THADA: variants seen among roughly 807,000 people sequenced by gnomAD.
THADA encodes THADA armadillo repeat containing, also known as tRNA (32-2'-O)-methyltransferase regulator THADA.
THADA carries 213 observed loss-of-function variants against 219.8 expected under a neutral mutation model. The ratio of observed to expected loss-of-function variants is 0.97; its 90% confidence interval spans 0.87 to 1.09. THADA has a LOEUF of 1.09. THADA is among the 50% of genes least tolerant of loss of function. THADA has a pLI of 0.00. For synonymous variants in THADA, 1,018 were observed against 828.9 expected (o/e 1.23, Z -3.92); for missense variants, 2,956 against 2,311.3 (o/e 1.28, Z -5.72).
At chr2:43,354,839 T>A (rs139791511) in intron 29 of THADA, among the ~76,000 whole-genome samples, 1 of 152,270 alleles carries the variant, frequency 6.6e-6, no homozygotes, top group African/African-American at 2.4e-5. Context: ...AGGGAGGTAA[T>A]TGAATCATGG....
At chr2:43,257,417 A>G (rs6749927) in intron 36 of THADA, among the ~76,000 whole-genome samples, 74,294 of 152,078 alleles carry the variant, frequency 0.49, 21,235 homozygotes, top group African/African-American at 0.81. Context: ...AGGAGAGAGG[A>G]GGCTTCTCCC....
intron 9 of THADA, 128 bp from the exon 10 acceptor site, chr2:43,577,370 A>G: frequency 1.4e-6 from 1 of 707,888 alleles, no homozygotes; most frequent in Non-Finnish European, 2.3e-6. Flanking sequence ...CCAAAGATAA[A>G]ATACCCACAA....
At position 43,414,539 on chromosome 2, in the gene THADA, A is replaced by G. The variant is rs1473659908; in HGVS notation, c.4058+13561T>C. Among the ~76,000 whole-genome samples the G allele has an allele frequency of 2.0e-5, 3 of 152,226 alleles. No individual in the cohort carries two copies. The East Asian group carries it at 5.8e-4, about 29-fold the overall frequency. On this transcript the variant is annotated intron_variant, in intron 28 of 37. Transcript: ENST00000405975. ...TTGTCTATTTCCTTCCAGATGAAAGATAGAAACTTTGATCTTCTCTTCCTT... is the reference window on the plus strand; with the variant it reads ...TTGTCTATTTCCTTCCAGATGAAAGGTAGAAACTTTGATCTTCTCTTCCTT...
chr2:43,484,433 A>AC (rs1392743232), intron 26 of THADA: 2 of 169,194 alleles, frequency 1.2e-5, no homozygotes, highest in Admixed American at 1.3e-4. Flanking sequence ...CAAGAGAAAG[A>AC]CCACTGGGCC....
In THADA at chr2:43,422,428, G is replaced by C. The variant is rs77953857; in HGVS notation, c.4058+5672C>G. Reference sequence around the variant, plus strand: ...GTTCTTCAGTGACCTTCCTAAAATGGGGAGCCCAGAACAGAATAATAAGGA... The same window carrying C: ...GTTCTTCAGTGACCTTCCTAAAATGCGGAGCCCAGAACAGAATAATAAGGA... On this transcript the variant is annotated intron_variant, in intron 28 of 37. Coordinates refer to ENST00000405975, the MANE Select transcript of THADA (RefSeq NM_022065.5). 7.5e-3 allele frequency among the ~76,000 whole-genome samples: 1,137 copies of C among 152,166 alleles called. 5 individuals carry two copies. The highest frequency in any genetic ancestry group is 0.014 in the Non-Finnish European group (920 of 67,992).
At chr2:43,441,226 G>A (rs144086323) in intron 26 of THADA, among the ~76,000 whole-genome samples, 5 of 152,252 alleles carry the variant, frequency 3.3e-5, no homozygotes, top group Non-Finnish European at 7.4e-5. Context: ...CATACAGGAA[G>A]TGTCCTTCTA....
chr2:43,248,200 G>GAGAGAGAC (rs1669435514), intron 36 of THADA, among the ~76,000 whole-genome samples: 1 of 127,028 alleles, frequency 7.9e-6, no homozygotes, highest in South Asian at 2.7e-4. Context: ...GAGAGAGAGA[G>GAGAGAGAC]AGAGAGAGAG....
chr2:43,586,625 A>T (rs12467151), intron 6 of THADA, 77 bp downstream of exon 6: 11 of 1,489,640 alleles, frequency 7.4e-6, no homozygotes, highest in Admixed American at 4.2e-5. Context: ...TATTACCAAG[A>T]AACTTAAAAG....
chr2:43,570,404 G>T lies in THADA; in HGVS notation c.2171C>A (p.Ser724Tyr), dbSNP rs769611674. 7.4e-6 allele frequency: 12 copies of T among 1,611,838 alleles called. No individual in the cohort carries two copies. The South Asian group carries it at 1.3e-4, about 18-fold the overall frequency. ...NELTKQHPSV[S>Y]LQQYKNFMSS... ...ATCACCTACCTTATACTGCTGTAAA[G>T]AAACAGAAGGGTGCTGTTTGGTTAA... Residue 724 changes from serine to tyrosine, a missense_variant, in exon 14 of 38, where the codon TCT becomes TAT. Transcript: ENST00000405975.
chr2:43,510,845 C>G (rs2105104201), intron 22 of THADA, among the ~76,000 whole-genome samples: 1 of 151,754 alleles, frequency 6.6e-6, no homozygotes, highest in Non-Finnish European at 1.5e-5. Context: ...GTGGCGGGCA[C>G]CTGTAATCCC....
At chr2:43,595,133 G>A (rs1325133743) in intron 1 of THADA, among the ~76,000 whole-genome samples, 1 of 152,200 alleles carries the variant, frequency 6.6e-6, no homozygotes, top group Non-Finnish European at 1.5e-5. Flanking sequence ...ATTTGTCAGA[G>A]ATGTTCTAGA....
intron 17 of THADA, among the ~76,000 whole-genome samples, chr2:43,553,428 G>A (rs1696986009): frequency 6.6e-6 from 1 of 152,176 alleles, no homozygotes; most frequent in African/African-American, 2.4e-5. Flanking sequence ...GTCCTTAAAA[G>A]AACAAAGGCC....
chr2:43,406,293 C>T (rs1279983329), intron 28 of THADA, among the ~76,000 whole-genome samples: 1 of 152,166 alleles, frequency 6.6e-6, no homozygotes, highest in Non-Finnish European at 1.5e-5. Flanking sequence ...TTTAAAAGCT[C>T]TCTAAACAAT....
chr2:43,365,595 A>ACACACACACG (rs1228879629), intron 29 of THADA, among the ~76,000 whole-genome samples: 2 of 151,732 alleles, frequency 1.3e-5, no homozygotes, highest in Non-Finnish European at 2.9e-5. Context: ...ACACACACAC[A>ACACACACACG]CACGCACAAA....
At chr2:43,594,756 C>A (rs1277258452) in intron 1 of THADA, among the ~76,000 whole-genome samples, 3 of 152,170 alleles carry the variant, frequency 2.0e-5, no homozygotes, top group African/African-American at 7.2e-5. Flanking sequence ...AGGCTTTACA[C>A]TTCTCAGTAT....
chr2:43,480,817 TG>T lies in THADA; in HGVS notation c.3836+4416del, dbSNP rs1326792310. Among the ~76,000 whole-genome samples the T allele has an allele frequency of 4.5e-3, 648 of 143,022 alleles. 4 individuals are homozygous for T. Among genetic ancestry groups the T allele is most frequent in the African/African-American group, 0.014 (553 of 38,214 alleles). The allele number at this position is 143,022 out of a possible 152,430, so 93.8% of individuals were successfully genotyped here. Reference sequence around the variant, plus strand: ...CAGGCAACAGTGCGAGACTCTGTCTTGGGGGGGAAAAAAAAAAAAAAGAAAA... The same window carrying T: ...CAGGCAACAGTGCGAGACTCTGTCTTGGGGGGAAAAAAAAAAAAAAGAAAA... On this transcript the variant is annotated intron_variant, in intron 26 of 37. Transcript: ENST00000405975.
chr2:43,335,103 A>T (rs1293609454), intron 30 of THADA, among the ~76,000 whole-genome samples: 1 of 152,104 alleles, frequency 6.6e-6, no homozygotes, highest in African/African-American at 2.4e-5. Flanking sequence ...GTCCCCTGGG[A>T]GCTGGTCAAA....
intron 36 of THADA, among the ~76,000 whole-genome samples, chr2:43,250,520 T>C (rs1212748197): frequency 2.0e-5 from 3 of 152,134 alleles, no homozygotes; most frequent in Admixed American, 6.6e-5. Context: ...AACTGTATAC[T>C]TTAAAATGAT....
intron 29 of THADA, among the ~76,000 whole-genome samples, chr2:43,364,663 C>T (rs147931384): frequency 1.5e-3 from 235 of 152,344 alleles, no homozygotes; most frequent in African/African-American, 5.3e-3. Flanking sequence ...CCTTATGACG[C>T]GCCTGACTTG....
Sources: allele counts gnomAD v4.1 joint callset (sites outside exome capture counted in the v4.1 genomes callset), GRCh38; gene constraint gnomAD v4.1.1; transcripts MANE v1.5; gene names NCBI Gene and HGNC (gene_info 2026-07-23, HGNC 2026-07-21).